RNF121: variants seen among roughly 807,000 people sequenced by gnomAD.
The protein encoded by RNF121 is ring finger protein 121, also known as E3 ubiquitin ligase RNF121.
RNF121 carries 21 observed loss-of-function variants against 46.5 expected under a neutral mutation model. The observed-to-expected ratio is 0.45, with a 90% CI of 0.32 to 0.65. RNF121 has a LOEUF of 0.65. Among genes scored for constraint, RNF121 ranks in the 30% least tolerant of loss-of-function variants. RNF121 has a pLI of 0.04. For synonymous variants in RNF121, 139 were observed against 144.7 expected (o/e 0.96, Z 0.28); for missense variants, 346 against 416.0 (o/e 0.83, Z 1.46).
chr11:71,985,164 G>C (rs7926550), intron 4 of RNF121, among the ~76,000 whole-genome samples: 152,083 of 152,250 alleles, frequency 1, 75,961 homozygotes, highest in Middle Eastern at 1. Context: ...TGAGCTCAAA[G>C]AATCCTCCCA....
intron 3 of RNF121, among the ~76,000 whole-genome samples, chr11:71,961,635 A>C (rs76394075): frequency 6.6e-6 from 1 of 152,236 alleles, no homozygotes; most frequent in East Asian, 1.9e-4. Context: ...ACAAATAGCA[A>C]AATGGCAGAA....
chr11:71,935,846 CTTTT>C (rs994241423), intron 1 of RNF121, among the ~76,000 whole-genome samples: 2 of 114,724 alleles, frequency 1.7e-5, no homozygotes. Flanking sequence ...TATTCTTTTT[CTTTT>C]TTTTTTTTTT....
Position 71,987,008 on chromosome 11 carries a change from G to A in RNF121, c.403G>A (p.Val135Ile). The change falls in exon 5 of 9, where the codon GTT becomes ATT. Residue 135 changes from valine (V) to isoleucine (I), a missense_variant. This residue lies in a region of RNF121 where 286 missense variants were observed against 383.8 expected (regional missense o/e 0.75). Coordinates refer to ENST00000361756, the MANE Select transcript of RNF121 (RefSeq NM_018320.5). ...KPLVQTTPRL[V>I]YKWFLLIYKI... ...AACCTTCTCTCCTTTCCCCAGGTTG[G>A]TTTATAAGTGGTTCCTGCTAATCTA... 6.2e-7 allele frequency: 1 copy of A among 1,607,872 alleles called. No homozygotes were observed. The highest frequency in any genetic ancestry group is 8.5e-7 in the Non-Finnish European group (1 of 1,174,466).
At chr11:71,972,176 CA>C in intron 3 of RNF121, among the ~76,000 whole-genome samples, 1 of 152,114 alleles carries the variant, frequency 6.6e-6, no homozygotes, top group East Asian at 1.9e-4. Flanking sequence ...GCAGAGAAAG[CA>C]ATAAACAGTT....
At chr11:71,943,424 A>G (rs1276084319) in intron 1 of RNF121, among the ~76,000 whole-genome samples, 1 of 152,204 alleles carries the variant, frequency 6.6e-6, no homozygotes, top group Non-Finnish European at 1.5e-5. Flanking sequence ...TAGCTCTGCC[A>G]TGCAGCTGTT....
chr11:71,963,859 T>G (rs1954203445), intron 3 of RNF121, among the ~76,000 whole-genome samples: 1 of 152,244 alleles, frequency 6.6e-6, no homozygotes, highest in Non-Finnish European at 1.5e-5. Context: ...CTCAGTTTTA[T>G]TCCGTTGATC....
At chr11:71,992,597 A>G (rs531554677) in intron 6 of RNF121, among the ~76,000 whole-genome samples, 251 of 152,350 alleles carry the variant, frequency 1.6e-3, no homozygotes, top group African/African-American at 5.8e-3. Context: ...AAGTGAGGAC[A>G]TACTGTATTT....
intron 6 of RNF121, among the ~76,000 whole-genome samples, chr11:71,991,236 T>TAA (rs5792566): frequency 2.7e-4 from 41 of 150,428 alleles, no homozygotes; most frequent in Middle Eastern, 3.4e-3. Context: ...TTGAAATTAT[T>TAA]AAAAAAAAAA....
chr11:71,973,466 G>A (rs1954462481), intron 3 of RNF121, among the ~76,000 whole-genome samples: 1 of 152,026 alleles, frequency 6.6e-6, no homozygotes, highest in Non-Finnish European at 1.5e-5. Flanking sequence ...ACTCCAGCCT[G>A]GGCAACAGAG....
At chr11:71,968,260 A>G (rs983071061) in intron 3 of RNF121, among the ~76,000 whole-genome samples, 2 of 152,132 alleles carry the variant, frequency 1.3e-5, no homozygotes, top group Non-Finnish European at 2.9e-5. Flanking sequence ...GGGTTTCACC[A>G]TGTTGGCCAG....
At chr11:71,960,957 G>T in intron 3 of RNF121, 66 bp downstream of exon 3, 1 of 1,565,390 alleles carries the variant, frequency 6.4e-7, no homozygotes. Context: ...AAGTATTCTA[G>T]GTCCCAGCCT....
chr11:71,971,192 TG>T, intron 3 of RNF121, among the ~76,000 whole-genome samples: 1 of 152,182 alleles, frequency 6.6e-6, no homozygotes, highest in East Asian at 1.9e-4. Context: ...AAGACCAGCT[TG>T]GGCAACATGG....
chr11:71,964,150 A>T (rs756228456), intron 3 of RNF121, among the ~76,000 whole-genome samples: 1 of 152,042 alleles, frequency 6.6e-6, no homozygotes, highest in African/African-American at 2.4e-5. Context: ...TGAACACAGG[A>T]TATCTTTTCA....
At chr11:71,970,011 T>C (rs1052112274) in intron 3 of RNF121, among the ~76,000 whole-genome samples, 5 of 152,206 alleles carry the variant, frequency 3.3e-5, no homozygotes, top group Non-Finnish European at 7.3e-5. Flanking sequence ...TTAGGTTCAT[T>C]TGTGGGTTCA....
chr11:71,968,888 C>CTTTTTTT (rs10686485), intron 3 of RNF121, among the ~76,000 whole-genome samples: 3 of 134,640 alleles, frequency 2.2e-5, no homozygotes, highest in Non-Finnish European at 4.6e-5. Context: ...TTCTTTCTTT[C>CTTTTTTT]TTTTTTTTTT....
chr11:71,960,930 A>G (rs368421573), intron 3 of RNF121, 39 bp downstream of exon 3: 115 of 1,604,296 alleles, frequency 7.2e-5, no homozygotes, highest in Non-Finnish European at 9.2e-5. Context: ...TCTGTCAGTC[A>G]TCAAGAGACC....
chr11:71,936,465 C>T (rs1953414878), intron 1 of RNF121, among the ~76,000 whole-genome samples: 1 of 151,960 alleles, frequency 6.6e-6, no homozygotes, highest in Admixed American at 6.6e-5. Flanking sequence ...TCTCGGCTCA[C>T]TGCAAGTTCC....
At chr11:71,979,413 T>C (rs1386706645) in intron 3 of RNF121, among the ~76,000 whole-genome samples, 1 of 152,216 alleles carries the variant, frequency 6.6e-6, no homozygotes, top group African/African-American at 2.4e-5. Flanking sequence ...CCTTTCTCTC[T>C]CTCCTCTTGT....
intron 3 of RNF121, among the ~76,000 whole-genome samples, chr11:71,973,114 A>G (rs1954455138): frequency 6.6e-6 from 1 of 151,580 alleles, no homozygotes; most frequent in Non-Finnish European, 1.5e-5. Flanking sequence ...TGAATCCAAG[A>G]GGCGGAGGTT....
Sources: gnomAD v4.1 joint callset for allele counts (sites outside exome capture counted in the v4.1 genomes callset) on GRCh38, gnomAD v4.1.1 for gene constraint, gnomAD v4.1.1 regional missense constraint, MANE v1.5 for transcripts, NCBI Gene and HGNC (gene_info 2026-07-23, HGNC 2026-07-21) for gene names.